The following SPOCK3 variants were observed in gnomAD, a reference collection of about 807,000 sequenced individuals.
The protein encoded by SPOCK3 is testican-3.
Under a neutral mutation model 56.6 loss-of-function variants are expected in SPOCK3, and 30 were observed. The observed-to-expected ratio is 0.53, with a 90% CI of 0.40 to 0.72. The LOEUF is 0.72. SPOCK3 is among the 30% of genes least tolerant of loss of function. SPOCK3 has a pLI of 0.00. For missense variants in SPOCK3, 527 were observed against 530.0 expected (o/e 0.99, Z 0.06); for synonymous variants, 196 against 183.3 (o/e 1.07, Z -0.56).
intron 7 of SPOCK3, among the ~76,000 whole-genome samples, chr4:166,783,963 G>GT (rs991553491): frequency 3.5e-4 from 53 of 150,388 alleles, no homozygotes; most frequent in East Asian, 7.8e-4. Flanking sequence ...CCTCTTCATT[G>GT]TTTTTTTTTG....
chr4:166,814,458 T>C (rs1271019030), intron 6 of SPOCK3, among the ~76,000 whole-genome samples: 1 of 152,078 alleles, frequency 6.6e-6, no homozygotes, highest in East Asian at 1.9e-4. Context: ...GGAATCATCC[T>C]ATAGGCTGCC....
chr4:167,024,605 A>G (rs1168751811), intron 3 of SPOCK3, among the ~76,000 whole-genome samples: 1 of 152,072 alleles, frequency 6.6e-6, no homozygotes, highest in Non-Finnish European at 1.5e-5. Flanking sequence ...ATTTGAACAA[A>G]TACATTAGGA....
intron 2 of SPOCK3, among the ~76,000 whole-genome samples, chr4:167,182,040 CATG>C (rs1247621122): frequency 1.3e-5 from 2 of 152,070 alleles, no homozygotes; most frequent in South Asian, 2.1e-4. Flanking sequence ...ATTAGAACTT[CATG>C]ATTTTTTAAG....
rs375122495 is a variant in SPOCK3, at chr4:167,193,119, T to C, written c.189+40866A>G. 7.0e-4 allele frequency among the ~76,000 whole-genome samples: 102 copies of C among 146,026 alleles called. 17 individuals carry two copies. In the South Asian group the frequency reaches 8.3e-3, roughly 12 times the overall value. On this transcript the variant is annotated intron_variant, in intron 2 of 10. Transcript: ENST00000357545. The stretch of plus-strand genomic sequence containing the variant: ...TGTCTGTTGGGTCCATTCATTTACA[T>C]TTAAAGTTATTACTAATTTGCAAGG...
intron 8 of SPOCK3, among the ~76,000 whole-genome samples, chr4:166,746,552 C>T (rs1212067059): frequency 2.0e-5 from 3 of 152,006 alleles, no homozygotes; most frequent in Non-Finnish European, 4.4e-5. Context: ...AAAATTGACA[C>T]CCTAACATCA....
chr4:166,772,908 A>T (rs1739117382), intron 7 of SPOCK3, among the ~76,000 whole-genome samples: 1 of 152,078 alleles, frequency 6.6e-6, no homozygotes, highest in Admixed American at 6.6e-5. Context: ...TTCCCACCTC[A>T]GCTTCCTAAG....
intron 2 of SPOCK3, among the ~76,000 whole-genome samples, chr4:167,219,895 T>TA (rs1735733766): frequency 6.6e-6 from 1 of 152,158 alleles, no homozygotes; most frequent in Non-Finnish European, 1.5e-5. Flanking sequence ...CATAATATCT[T>TA]AAATGAAATT....
At chr4:166,947,076 C>T (rs1372177313) in intron 4 of SPOCK3, among the ~76,000 whole-genome samples, 1 of 151,972 alleles carries the variant, frequency 6.6e-6, no homozygotes, top group Admixed American at 6.6e-5. Context: ...ATTTTAGGCA[C>T]TATTTTTTTT....
intron 7 of SPOCK3, among the ~76,000 whole-genome samples, chr4:166,770,053 T>C (rs908034434): frequency 2.0e-5 from 3 of 152,198 alleles, no homozygotes; most frequent in East Asian, 3.9e-4. Flanking sequence ...AGTATTAGGG[T>C]GAGAGTGACT....
chr4:166,932,761 G>A (rs570208234), intron 4 of SPOCK3, among the ~76,000 whole-genome samples: 1 of 152,128 alleles, frequency 6.6e-6, no homozygotes, highest in South Asian at 2.1e-4. Flanking sequence ...GATAAATAGA[G>A]GTTAAAAAAA....
chr4:166,863,752 G>T (rs1031121052), intron 6 of SPOCK3, among the ~76,000 whole-genome samples: 1 of 152,094 alleles, frequency 6.6e-6, no homozygotes, highest in Admixed American at 6.6e-5. Context: ...AAATATATAT[G>T]CATCCAATAC....
chr4:166,931,278 G>A (rs535089173), intron 4 of SPOCK3, among the ~76,000 whole-genome samples: 327 of 151,154 alleles, frequency 2.2e-3, no homozygotes, highest in Non-Finnish European at 4.0e-3. Flanking sequence ...CACCGCTCCC[G>A]GCCCAGAGGC....
At chr4:166,819,494 C>T (rs963805002) in intron 6 of SPOCK3, among the ~76,000 whole-genome samples, 1 of 151,998 alleles carries the variant, frequency 6.6e-6, no homozygotes, top group Non-Finnish European at 1.5e-5. Flanking sequence ...CATAAACATA[C>T]ATACAATTAA....
chr4:167,170,236 A>G (rs1730378461), intron 2 of SPOCK3, among the ~76,000 whole-genome samples: 1 of 152,140 alleles, frequency 6.6e-6, no homozygotes, highest in Non-Finnish European at 1.5e-5. Flanking sequence ...AGGGATGTGT[A>G]TTTGATTTGT....
intron 4 of SPOCK3, among the ~76,000 whole-genome samples, chr4:166,947,072 G>A (rs1741854567): frequency 6.6e-6 from 1 of 151,820 alleles, no homozygotes; most frequent in South Asian, 2.1e-4. Flanking sequence ...CCAAATTTTA[G>A]GCACTATTTT....
At chr4:166,742,692 AAAATT>A (rs1735016304) in intron 8 of SPOCK3, among the ~76,000 whole-genome samples, 1 of 152,148 alleles carries the variant, frequency 6.6e-6, no homozygotes, top group African/African-American at 2.4e-5. Flanking sequence ...GATATAATAT[AAAATT>A]ATTTCTGATA....
chr4:166,855,400 A>G (rs1730544233), intron 6 of SPOCK3, among the ~76,000 whole-genome samples: 1 of 152,210 alleles, frequency 6.6e-6, no homozygotes, highest in African/African-American at 2.4e-5. Flanking sequence ...TTTTTTCCCT[A>G]AAAGCAGCTG....
intron 6 of SPOCK3, among the ~76,000 whole-genome samples, chr4:166,866,733 A>T (rs1731880783): frequency 1.3e-5 from 2 of 152,062 alleles, no homozygotes; most frequent in South Asian, 2.1e-4. Context: ...TTTCAAAAGG[A>T]TATACTCCGG....
At chr4:166,890,788 G>A (rs559572393) in intron 5 of SPOCK3, among the ~76,000 whole-genome samples, 1 of 152,082 alleles carries the variant, frequency 6.6e-6, no homozygotes, top group East Asian at 1.9e-4. Context: ...CCAGAGCTGA[G>A]TTCAAGTCCT....
Sources: allele counts gnomAD v4.1 joint callset (sites outside exome capture counted in the v4.1 genomes callset), GRCh38; gene constraint gnomAD v4.1.1; transcripts MANE v1.5; gene names NCBI Gene and HGNC (gene_info 2026-07-23, HGNC 2026-07-21).